Variants in LMO7 observed in about 807,000 individuals in gnomAD.
LMO7 encodes LIM domain only protein 7.
A neutral mutation model predicts 206.5 loss-of-function variants in LMO7; 120 were observed. The observed-to-expected ratio is 0.58, with a 90% CI of 0.50 to 0.68. LMO7 has a LOEUF of 0.68. Ranked by LOEUF, LMO7 falls within the 30% of genes least tolerant of loss-of-function variation. The probability of loss-of-function intolerance (pLI) is 0.00; values close to 1 mark genes in which losing one functional copy is unlikely to be tolerated. For synonymous variants in LMO7, 706 were observed against 681.5 expected (o/e 1.04, Z -0.56); for missense variants, 1,959 against 1,957.9 (o/e 1.00, Z -0.01).
intron 11 of LMO7, among the ~76,000 whole-genome samples, chr13:75,809,734 A>G (rs2056055503): frequency 6.6e-6 from 1 of 152,192 alleles, no homozygotes; most frequent in Non-Finnish European, 1.5e-5. Flanking sequence ...TTAGGAAAAA[A>G]AAGTTATAAC....
At chr13:75,663,732 C>T (rs1328962325) in intron 1 of LMO7, among the ~76,000 whole-genome samples, 1 of 152,078 alleles carries the variant, frequency 6.6e-6, no homozygotes, top group Admixed American at 6.6e-5. Flanking sequence ...GCCTGGCCGT[C>T]AGTGAATTCT....
At chr13:75,848,186 G>A (rs2060145888) in intron 26 of LMO7, among the ~76,000 whole-genome samples, 1 of 152,090 alleles carries the variant, frequency 6.6e-6, no homozygotes, top group Non-Finnish European at 1.5e-5. Flanking sequence ...ACACTGAGCT[G>A]AATTTGTAGT....
intron 1 of LMO7, among the ~76,000 whole-genome samples, chr13:75,689,470 A>T (rs1459701111): frequency 6.6e-6 from 1 of 152,240 alleles, no homozygotes; most frequent in East Asian, 1.9e-4. Flanking sequence ...TGTCAACTTG[A>T]TGGATTGAAG....
intron 11 of LMO7, among the ~76,000 whole-genome samples, chr13:75,812,070 T>C (rs918993655): frequency 1.3e-5 from 2 of 152,212 alleles, no homozygotes; most frequent in African/African-American, 4.8e-5. Context: ...CATTTGGCAA[T>C]GTCTGGAGGC....
chr13:75,833,004 TG>T (rs756887612), intron 15 of LMO7, 46 bp from the exon 16 acceptor site: 12 of 1,024,824 alleles, frequency 1.2e-5, no homozygotes, highest in Non-Finnish European at 1.9e-5. Flanking sequence ...TTCCTCCATG[TG>T]GGTGCCAGGG....
chr13:75,695,533 G>A (rs2041832666), intron 1 of LMO7, among the ~76,000 whole-genome samples: 1 of 152,208 alleles, frequency 6.6e-6, no homozygotes, highest in East Asian at 1.9e-4. Context: ...TTTTAATAGA[G>A]ACGGGGTTTC....
At chr13:75,807,346 G>A in intron 9 of LMO7, 134 bp from the exon 10 acceptor site, 1 of 833,584 alleles carries the variant, frequency 1.2e-6, no homozygotes, top group Admixed American at 2.8e-5. Context: ...TCCCCACAAT[G>A]GTCCTCTAAA....
At chr13:75,685,253 C>T (rs111262152) in intron 1 of LMO7, among the ~76,000 whole-genome samples, 12 of 152,122 alleles carry the variant, frequency 7.9e-5, no homozygotes, top group African/African-American at 2.9e-4. Context: ...AAGACTCAGA[C>T]ATGGACTTGG....
chr13:75,693,315 GTC>G (rs2041640421), intron 1 of LMO7, among the ~76,000 whole-genome samples: 2 of 152,182 alleles, frequency 1.3e-5, no homozygotes, highest in African/African-American at 2.4e-5. Context: ...GCAATTTTAA[GTC>G]TTTTTGTGTA....
intron 3 of LMO7, among the ~76,000 whole-genome samples, chr13:75,731,826 T>C (rs1337962499): frequency 2.0e-5 from 3 of 152,020 alleles, no homozygotes; most frequent in Non-Finnish European, 4.4e-5. Flanking sequence ...GCAGGCCTGG[T>C]GGTGACAAAA....
At chr13:75,722,724 T>C (rs945783782) in intron 2 of LMO7, among the ~76,000 whole-genome samples, 1 of 152,204 alleles carries the variant, frequency 6.6e-6, no homozygotes, top group Non-Finnish European at 1.5e-5. Context: ...CCCATGTTTA[T>C]AGCAGCGCAA....
rs769915503 is a variant in LMO7, at chr13:75,823,725, T to G, written c.2801T>G (p.Leu934Arg). The stretch of plus-strand genomic sequence containing the variant: ...GCAACAGAAGAAGATGTGACAAGGC[T>G]GCCCTCTCCTACATCCCCCTTCTCA... The part of the protein sequence containing the change: ...VAATEEDVTR[L>R]PSPTSPFSSL... Residue 934 changes from leucine (L) to arginine (R), a missense_variant, in exon 15 of 31, where the codon CTG becomes CGG. Leu to Arg is a moderately radical substitution (Grantham distance 102). Transcript: ENST00000377534. 1.2e-6 allele frequency: 2 copies of G among 1,614,144 alleles called. No homozygotes were observed. The highest frequency in any genetic ancestry group is 1.7e-6 in the Non-Finnish European group (2 of 1,180,014).
At position 75,853,342 on chromosome 13, in the gene LMO7, A is replaced by G. The variant is rs1270672291; in HGVS notation, c.4615A>G (p.Ser1539Gly). 1 of 1,612,984 alleles carries G rather than the reference A, an allele frequency of 6.2e-7. No individual in the cohort carries two copies. The highest frequency in any genetic ancestry group is 1.7e-5 in the Admixed American group (1 of 59,958). ...CACCACACAGTCCCCCACCCCGAGAAGCCATTCCCCTTCAGCTTCACAGTC... is the reference window on the plus strand; with the variant it reads ...CACCACACAGTCCCCCACCCCGAGAGGCCATTCCCCTTCAGCTTCACAGTC... The part of the protein sequence containing the change: ...VATTQSPTPR[S>G]HSPSASQSGS... Residue 1539 changes from serine (S) to glycine (G), a missense_variant, in exon 28 of 31, where the codon AGC (serine) becomes GGC (glycine). Coordinates refer to ENST00000377534, the MANE Select transcript of LMO7 (RefSeq NM_001306080.2).
chr13:75,676,226 G>A (rs1176010897), intron 1 of LMO7, among the ~76,000 whole-genome samples: 4 of 152,076 alleles, frequency 2.6e-5, no homozygotes, highest in African/African-American at 9.7e-5. Flanking sequence ...AAATTATGCT[G>A]TCAAGTATAA....
chr13:75,741,212 A>T (rs2046385639), intron 3 of LMO7, among the ~76,000 whole-genome samples: 2 of 152,244 alleles, frequency 1.3e-5, no homozygotes, highest in South Asian at 4.1e-4. Context: ...AAACACTAAC[A>T]TTTAAACGTT....
chr13:75,711,717 A>G (rs931802001), intron 1 of LMO7, among the ~76,000 whole-genome samples: 1 of 152,202 alleles, frequency 6.6e-6, no homozygotes, highest in Non-Finnish European at 1.5e-5. Context: ...TGGGAGCTGT[A>G]GACTGGAGCT....
chr13:75,729,130 G>A (rs1412885695), intron 3 of LMO7, among the ~76,000 whole-genome samples: 4 of 149,384 alleles, frequency 2.7e-5, no homozygotes, highest in Non-Finnish European at 6.0e-5. Flanking sequence ...GGTTCCATAT[G>A]AACTTTAAAG....
At chr13:75,722,336 A>G (rs1009793590) in intron 2 of LMO7, among the ~76,000 whole-genome samples, 4 of 152,188 alleles carry the variant, frequency 2.6e-5, no homozygotes, top group African/African-American at 9.7e-5. Context: ...ATCTACAGGG[A>G]ACTCAAACAA....
intron 3 of LMO7, among the ~76,000 whole-genome samples, chr13:75,755,879 G>A (rs911745877): frequency 6.6e-6 from 1 of 152,126 alleles, no homozygotes; most frequent in South Asian, 2.1e-4. Flanking sequence ...TTGAAGTGAT[G>A]CCTCGATTCT....
Sources: gnomAD v4.1 joint callset for allele counts (sites outside exome capture counted in the v4.1 genomes callset) on GRCh38, gnomAD v4.1.1 for gene constraint, MANE v1.5 for transcripts, NCBI Gene and HGNC (gene_info 2026-07-23, HGNC 2026-07-21) for gene names.